PCDH15: variants seen among roughly 807,000 people sequenced by gnomAD.
PCDH15 encodes protocadherin related 15.
In PCDH15, 129 loss-of-function variants were observed where a neutral mutation model predicts 178.5. The ratio of observed to expected loss-of-function variants is 0.72; its 90% CI spans 0.63 to 0.84. PCDH15 has a LOEUF of 0.84. Among genes scored for constraint, PCDH15 ranks in the 40% least tolerant of loss-of-function variants. PCDH15 has a pLI of 0.00. For missense variants in PCDH15, 2,230 were observed against 2,099.9 expected, an observed-to-expected ratio of 1.06 and a Z score of -1.21; for synonymous variants, 800 against 732.0, an observed-to-expected ratio of 1.09 and a Z score of -1.50.
chr10:53,854,967 A>T (rs990150807), intron 28 of PCDH15, among the ~76,000 whole-genome samples: 1 of 152,020 alleles, frequency 6.6e-6, no homozygotes, highest in African/African-American at 2.4e-5. Flanking sequence ...ATATCATCCT[A>T]TCTACTTAAG....
At chr10:54,476,927 A>G (rs575752158) in intron 3 of PCDH15, among the ~76,000 whole-genome samples, 49 of 152,044 alleles carry the variant, frequency 3.2e-4, no homozygotes, top group Non-Finnish European at 6.0e-4. Context: ...CCAGTATCAA[A>G]TTTTCATTAA....
At chr10:55,622,114 T>C (rs1837411451) in intron 2 of PCDH15, among the ~76,000 whole-genome samples, 1 of 64,274 alleles carries the variant, frequency 1.6e-5, no homozygotes. Context: ...ATTATATATA[T>C]CTATAAATAT....
At chr10:54,174,350 G>A (rs2047206097) in intron 13 of PCDH15, among the ~76,000 whole-genome samples, 1 of 151,708 alleles carries the variant, frequency 6.6e-6, no homozygotes, top group African/African-American at 2.4e-5. Context: ...GGCTAACACG[G>A]TGAAACCCCG....
At chr10:55,039,200 G>C (rs1169143321) in intron 2 of PCDH15, among the ~76,000 whole-genome samples, 1 of 150,944 alleles carries the variant, frequency 6.6e-6, no homozygotes, top group Non-Finnish European at 1.5e-5. Context: ...CCAGAATACA[G>C]AAAAAAAAGA....
intron 17 of PCDH15, among the ~76,000 whole-genome samples, chr10:54,070,723 G>A (rs1329239687): frequency 6.6e-6 from 1 of 152,018 alleles, no homozygotes; most frequent in African/African-American, 2.4e-5. Flanking sequence ...CTAAGTAGGT[G>A]GGACTACAGG....
intron 3 of PCDH15, among the ~76,000 whole-genome samples, chr10:54,506,097 C>G (rs1418911435): frequency 2.6e-5 from 4 of 152,090 alleles, no homozygotes; most frequent in Non-Finnish European, 4.4e-5. Flanking sequence ...TCTACTGTAT[C>G]AAATGCACAG....
intron 2 of PCDH15, among the ~76,000 whole-genome samples, chr10:55,151,492 TA>T (rs1040534843): frequency 6.5e-4 from 99 of 152,224 alleles, no homozygotes; most frequent in African/African-American, 2.3e-3. Flanking sequence ...CACAAGAATG[TA>T]GATATTCATT....
intron 3 of PCDH15, among the ~76,000 whole-genome samples, chr10:54,884,480 GGTGTGTGT>G (rs11473798): frequency 2.2e-4 from 32 of 148,620 alleles, no homozygotes; most frequent in African/African-American, 3.0e-4. Context: ...TACTAAGATA[GGTGTGTGT>G]GTGTGTGTGT....
At chr10:55,029,616 C>G (rs996935798) in intron 2 of PCDH15, among the ~76,000 whole-genome samples, 10 of 152,014 alleles carry the variant, frequency 6.6e-5, no homozygotes, top group Non-Finnish European at 1.3e-4. Flanking sequence ...AACAAAATAA[C>G]CCTAATGGCC....
rs73255906 is a variant in PCDH15, at chr10:54,437,109, T to G, written c.158-58167A>C. ...TGAGGAGGGGAGCCCTAAAAAGGAA[T>G]TTTGTTGTAGCTGTAAAAATGTATA... On this transcript the variant is annotated intron_variant, in intron 3 of 37. Transcript: ENST00000644397. Among the ~76,000 whole-genome samples the G allele has an allele frequency of 7.8e-3, 1,181 of 152,316 alleles. 16 individuals carry two copies. Among genetic ancestry groups the G allele is most frequent in the African/African-American group, 0.027 (1,113 of 41,576 alleles).
At chr10:55,461,286 C>T (rs1433621484) in intron 2 of PCDH15, among the ~76,000 whole-genome samples, 1 of 152,146 alleles carries the variant, frequency 6.6e-6, no homozygotes, top group Non-Finnish European at 1.5e-5. Flanking sequence ...CTCCTCCCTG[C>T]ACCACTGTCT....
In PCDH15 at chr10:54,423,596, A is replaced by C. The variant is rs1159160344; in HGVS notation, c.158-44654T>G. Reference sequence around the variant, plus strand: ...TTGTTGAAACCCTAATCCGAAGCCAAAAAAAGTGCTCAATAAGGTCATACT... The same window carrying C: ...TTGTTGAAACCCTAATCCGAAGCCACAAAAAGTGCTCAATAAGGTCATACT... On this transcript the variant is annotated intron_variant, in intron 3 of 37. Coordinates refer to ENST00000644397, the MANE Select transcript of PCDH15 (RefSeq NM_001384140.1). Among the ~76,000 whole-genome samples the C allele has an allele frequency of 2.0e-5, 3 of 151,858 alleles. 1 individual carries two copies. The highest frequency in any genetic ancestry group is 7.3e-5 in the African/African-American group (3 of 41,172).
intron 2 of PCDH15, among the ~76,000 whole-genome samples, chr10:54,535,709 CAAAAAAAAAAAAA>C (rs71010382): frequency 1.2e-4 from 5 of 42,604 alleles, no homozygotes; most frequent in South Asian, 2.8e-3. Flanking sequence ...GACTCCACCT[CAAAAAAAAAAAAA>C]AAAAAAAAAA....
chr10:55,572,185 A>C (rs2132110859), intron 2 of PCDH15, among the ~76,000 whole-genome samples: 1 of 151,998 alleles, frequency 6.6e-6, no homozygotes, highest in East Asian at 1.9e-4. Flanking sequence ...ATGTTTAGAG[A>C]AGTTTTCTGG....
chr10:54,227,029 G>A (rs1322653006), intron 9 of PCDH15, among the ~76,000 whole-genome samples: 1 of 152,130 alleles, frequency 6.6e-6, no homozygotes, highest in Non-Finnish European at 1.5e-5. Flanking sequence ...CTGGGGTCGG[G>A]TGTCTGTAGT....
At chr10:55,052,119 G>A (rs1841178298) in intron 2 of PCDH15, among the ~76,000 whole-genome samples, 1 of 147,984 alleles carries the variant, frequency 6.8e-6, no homozygotes, top group East Asian at 2.0e-4. Flanking sequence ...ACAGACTCTC[G>A]CTCAGTTGCT....
At chr10:54,225,073 C>T (rs1345692838) in intron 9 of PCDH15, among the ~76,000 whole-genome samples, 1 of 151,970 alleles carries the variant, frequency 6.6e-6, no homozygotes, top group Admixed American at 6.6e-5. Flanking sequence ...AAAATCTTTA[C>T]CAAAGATTTT....
intron 17 of PCDH15, among the ~76,000 whole-genome samples, chr10:54,068,336 G>T (rs1304924206): frequency 6.6e-6 from 1 of 151,946 alleles, no homozygotes; most frequent in Non-Finnish European, 1.5e-5. Flanking sequence ...GAAAATTTAT[G>T]TTGCTATTCA....
At chr10:54,955,381 A>T (rs1838458017) in intron 2 of PCDH15, among the ~76,000 whole-genome samples, 1 of 151,332 alleles carries the variant, frequency 6.6e-6, no homozygotes, top group African/African-American at 2.4e-5. Flanking sequence ...AAAACTTAAA[A>T]GTATTTTGGT....
Sources: allele counts gnomAD v4.1 joint callset (sites outside exome capture counted in the v4.1 genomes callset), GRCh38; gene constraint gnomAD v4.1.1; transcripts MANE v1.5; gene names NCBI Gene and HGNC (gene_info 2026-07-23, HGNC 2026-07-21).